ABCA9: variants seen among roughly 807,000 people sequenced by gnomAD.
The protein encoded by ABCA9 is ATP binding cassette subfamily A member 9.
ABCA9 carries 183 observed loss-of-function variants against 205.3 expected under a neutral mutation model. The observed-to-expected ratio is 0.89, with a 90% CI of 0.79 to 1.01. ABCA9 has a LOEUF of 1.01. Among genes scored for constraint, ABCA9 ranks in the 50% least tolerant of loss-of-function variants. The pLI is 0.00. For synonymous variants in ABCA9, 651 were observed against 683.3 expected (o/e 0.95, Z 0.74); for missense variants, 1,805 against 1,912.4 (o/e 0.94, Z 1.05).
At chr17:69,071,604 G>C in the ABCA9 span, among the ~76,000 whole-genome samples, 5 of 152,152 alleles carry the variant, frequency 3.3e-5, no homozygotes, top group Admixed American at 2.6e-4. Context: ...CAACAGCAAA[G>C]ACCAAAGGTA....
intron 3 of ABCA9, among the ~76,000 whole-genome samples, chr17:69,046,409 C>T (rs1333900167): frequency 6.6e-6 from 1 of 152,010 alleles, no homozygotes; most frequent in Non-Finnish European, 1.5e-5. Flanking sequence ...TTTTGCCAGC[C>T]GATAGGTGTT....
intron 1 of ABCA9, 93 bp downstream of exon 1, chr17:69,060,773 A>T (rs2072219155): frequency 1.2e-6 from 1 of 829,164 alleles, no homozygotes; most frequent in Non-Finnish European, 1.5e-6. Flanking sequence ...TACTGCTTTT[A>T]ATGGTTTCTA....
At chr17:69,003,379 C>T (rs2069966135) in intron 25 of ABCA9, among the ~76,000 whole-genome samples, 1 of 147,250 alleles carries the variant, frequency 6.8e-6, no homozygotes, top group Admixed American at 6.8e-5. Context: ...ACTTATGAAG[C>T]TTAGTTTGGC....
chr17:69,018,081 A>T, intron 20 of ABCA9: 1 of 374,902 alleles, frequency 2.7e-6, no homozygotes, highest in Non-Finnish European at 4.7e-6. Context: ...CTATCTTTTT[A>T]AATTTGAAAC....
At chr17:69,013,769 G>A (rs1012255029) in intron 22 of ABCA9, among the ~76,000 whole-genome samples, 16 of 152,172 alleles carry the variant, frequency 1.1e-4, no homozygotes, top group East Asian at 1.9e-4. Context: ...AGGACACTCC[G>A]ATAGATGATA....
chr17:68,985,685 C>T (rs1346757007), intron 32 of ABCA9, among the ~76,000 whole-genome samples: 1 of 151,842 alleles, frequency 6.6e-6, no homozygotes, highest in African/African-American at 2.4e-5. Flanking sequence ...ACCTGTAATC[C>T]CAGGTGGCTC....
intron 6 of ABCA9, chr17:69,042,253 C>T (rs549444720): frequency 6.6e-6 from 1 of 152,324 alleles, no homozygotes; most frequent in South Asian, 2.1e-4. Flanking sequence ...TATTCTTAAC[C>T]ACCATGTAAA....
chr17:69,032,508 C>G, intron 9 of ABCA9: 1 of 355,098 alleles, frequency 2.8e-6, no homozygotes, highest in East Asian at 4.5e-5. Context: ...TGTTAACTAA[C>G]TAAAAAGCTC....
intron 3 of ABCA9, among the ~76,000 whole-genome samples, chr17:69,046,233 C>G (rs1029866043): frequency 8.5e-5 from 13 of 152,096 alleles, no homozygotes; most frequent in African/African-American, 2.9e-4. Flanking sequence ...TTTGTTTATT[C>G]TAAAATATGT....
intron 34 of ABCA9, among the ~76,000 whole-genome samples, chr17:68,984,681 T>C (rs1019592792): frequency 6.6e-6 from 1 of 152,230 alleles, no homozygotes; most frequent in African/African-American, 2.4e-5. Flanking sequence ...ACAAAAATTA[T>C]TCGAGCAAAT....
upstream of ABCA9, among the ~76,000 whole-genome samples, chr17:69,064,509 G>A (rs1338206532): frequency 6.6e-6 from 1 of 152,150 alleles, no homozygotes; most frequent in Admixed American, 6.5e-5. Flanking sequence ...AACTTACCTT[G>A]GAGCCCCAAT....
intron 27 of ABCA9, chr17:68,992,683 C>G: frequency 4.2e-6 from 1 of 235,326 alleles, no homozygotes; most frequent in Non-Finnish European, 8.3e-6. Context: ...CATGGTGGTG[C>G]ATGCCTGTAA....
At chr17:69,015,572 T>A (rs2070558205) in intron 22 of ABCA9, among the ~76,000 whole-genome samples, 1 of 152,146 alleles carries the variant, frequency 6.6e-6, no homozygotes, top group African/African-American at 2.4e-5. Flanking sequence ...TTTTGATGCA[T>A]CCCAAGAAAA....
chr17:69,069,297 A>G, the ABCA9 span, among the ~76,000 whole-genome samples: 3 of 152,196 alleles, frequency 2.0e-5, no homozygotes, highest in Admixed American at 6.5e-5. Context: ...GGTAGGACGG[A>G]ATGCATAAAT....
chr17:69,017,022 G>A (rs926610928), intron 21 of ABCA9, among the ~76,000 whole-genome samples: 3 of 152,016 alleles, frequency 2.0e-5, no homozygotes, highest in African/African-American at 7.2e-5. Context: ...AATGTTTATT[G>A]ATGTTAAAAC....
Position 68,986,147 on chromosome 17 carries a change from C to T in ABCA9, c.4208+17G>A, listed in dbSNP as rs183064941. ...CATCCCCTCCAGCAAAGGGGAGTGC[C>T]CCCCAGTCCCAGGTACCGTGTGATG... On this transcript the variant is annotated intron_variant, in intron 32 of 38. Coordinates refer to ENST00000340001, the MANE Select transcript of ABCA9 (RefSeq NM_080283.4). The T allele has an allele frequency of 3.2e-6, 5 of 1,583,564 alleles. No homozygotes were observed. The East Asian group carries it at 1.1e-4, about 36-fold the overall frequency.
intron 37 of ABCA9, among the ~76,000 whole-genome samples, chr17:68,978,514 A>ATGTT (rs2068950583): frequency 1.3e-5 from 2 of 152,056 alleles, no homozygotes; most frequent in Admixed American, 6.6e-5. Flanking sequence ...TGTCATTAGG[A>ATGTT]TGTTAGCTGG....
In ABCA9 at chr17:68,986,175, G is replaced by T; in HGVS notation, c.4197C>A (p.Ile1399=). 6.2e-7 allele frequency: 1 copy of T among 1,610,362 alleles called. No individual in the cohort carries two copies. Among genetic ancestry groups the T allele is most frequent in the Admixed American group, 1.7e-5 (1 of 59,366 alleles). ...VKGLRKGDAM[I]AITRLVDALK... ...CCAGTCCCAGGTACCGTGTGATGGC[G>T]ATCATTGCGTCCCCTTTCCTGAGAC... Residue 1399 remains isoleucine (I), a synonymous_variant, in exon 32 of 39, where the codon ATC becomes ATA. Transcript: ENST00000340001.
At chr17:69,062,129 CTG>C (rs2072271557), upstream of ABCA9, among the ~76,000 whole-genome samples, 1 of 149,704 alleles carries the variant, frequency 6.7e-6, no homozygotes, top group African/African-American at 2.5e-5. Context: ...ATCCATGAGA[CTG>C]TCAAACTTAA....
Sources: allele counts gnomAD v4.1 joint callset (sites outside exome capture counted in the v4.1 genomes callset), GRCh38; gene constraint gnomAD v4.1.1; transcripts MANE v1.5; gene names NCBI Gene and HGNC (gene_info 2026-07-23, HGNC 2026-07-21).